Variants in PROM2 observed in about 807,000 individuals in gnomAD.
PROM2 encodes the protein prominin-2.
Under a neutral mutation model 110.2 loss-of-function variants are expected in PROM2, and 90 were observed. The observed-to-expected ratio is 0.82, with a 90% confidence interval of 0.69 to 0.97. The LOEUF is 0.97. PROM2 is among the 50% of genes least tolerant of loss of function. The pLI is 0.00. For synonymous variants in PROM2, 470 were observed against 467.8 expected (o/e 1.00, Z -0.06); for missense variants, 1,009 against 1,074.8 (o/e 0.94, Z 0.86).
chr2:95,279,301 A>ATT (rs1171088514), intron 10 of PROM2, among the ~76,000 whole-genome samples, 157 bp downstream of exon 10: 3 of 135,800 alleles, frequency 2.2e-5, no homozygotes, highest in Non-Finnish European at 3.2e-5. Flanking sequence ...TGTTTTTTTC[A>ATT]TTTTTTTTTT....
rs895600798 is a variant in PROM2, at chr2:95,275,496, G to T, written c.280G>T (p.Val94Leu). Reference protein sequence around the residue: ...VKALLNELASVKVNEVVRYEA... With the variant: ...VKALLNELASLKVNEVVRYEA... ...GGCCCTACTGAATGAGCTGGCCTCC[G>T]TGAAGGTGAATGAGGTGAGCAAGCT... The change falls in exon 2 of 24, where the codon GTG becomes TTG. Residue 94 changes from valine (V) to leucine (L), a missense_variant. Val to Leu is a conservative substitution (Grantham distance 32, BLOSUM62 1). Coordinates refer to ENST00000317620, the MANE Select transcript of PROM2 (RefSeq NM_001165978.3). This position sits in a 1 kb window ranked among gnomAD's most constrained non-coding sequence, Gnocchi z 4.4. 1.9e-6 allele frequency: 3 copies of T among 1,613,748 alleles called. No homozygotes were observed. The African/African-American group carries it at 4.0e-5, about 22-fold the overall frequency.
Position 95,288,926 on chromosome 2 carries a change from A to T in PROM2, c.2442-7A>T. 1.2e-6 allele frequency: 2 copies of T among 1,613,860 alleles called. 1 individual carries two copies. Among genetic ancestry groups the T allele is most frequent in the Admixed American group, 3.3e-5 (2 of 60,022 alleles). The stretch of plus-strand genomic sequence containing the variant: ...GGTATGCTCACTCTCTGTCTTTGAC[A>T]CTGCAGCTCCACCAGCTCTGAGGAG... On this transcript the variant is annotated splice_region_variant and splice_polypyrimidine_tract_variant and intron_variant, in intron 22 of 23. Transcript: ENST00000317620.
chr2:95,285,256 TC>T (rs1677283742), intron 15 of PROM2, 141 bp downstream of exon 15: 3 of 1,037,030 alleles, frequency 2.9e-6, no homozygotes, highest in South Asian at 3.5e-5. Context: ...TGTGGAGGTG[TC>T]CCCAGATCAT....
rs1676585011 is a variant in PROM2, at chr2:95,275,363, C to G, written c.245-98C>G. 8.2e-7 allele frequency: 1 copy of G among 1,223,168 alleles called. No homozygotes were observed. The highest frequency in any genetic ancestry group is 1.2e-6 in the Non-Finnish European group (1 of 862,458). 75.8% of individuals were successfully genotyped at this position (1,223,168 alleles called of 1,614,324 possible). The stretch of plus-strand genomic sequence containing the variant: ...GGGTGCCATGGTGGTGGCAGGAGCC[C>G]TGCCTCAGAGCCACTTTGCCCTGGC... On this transcript the variant is annotated intron_variant, in intron 1 of 23. Coordinates refer to ENST00000317620, the MANE Select transcript of PROM2 (RefSeq NM_001165978.3). The surrounding 1 kb of genome is among the most constrained non-coding windows in gnomAD (Gnocchi z 4.4).
chr2:95,282,078 CAG>C (rs1365940537), intron 13 of PROM2, 62 bp downstream of exon 13: 10 of 1,594,670 alleles, frequency 6.3e-6, no homozygotes, highest in Non-Finnish European at 6.9e-6. Context: ...CGGTGTCCCT[CAG>C]GGGACATCAG....
Position 95,278,205 on chromosome 2 carries a change from C to A in PROM2, c.1050+201C>A, listed in dbSNP as rs78250322. ...GATGGGAGAGCTGGGCCCTTCAAGG[C>A]GGCAGGCGTCTGGGGGTGGCAAGGG... is the stretch of plus-strand genomic sequence containing the variant. On this transcript the variant is annotated intron_variant, in intron 8 of 23. Coordinates refer to ENST00000317620, the MANE Select transcript of PROM2 (RefSeq NM_001165978.3). 7.8e-5 allele frequency: 47 copies of A among 599,232 alleles called. No individual in the cohort carries two copies. In the East Asian group the frequency reaches 8.9e-4, roughly 11 times the overall value. 37.1% of individuals were successfully genotyped at this position (599,232 alleles called of 1,614,324 possible).
chr2:95,276,050 C>G lies in PROM2; in HGVS notation c.415C>G (p.Arg139Gly). Residue 139 changes from arginine to glycine, a missense_variant, in exon 3 of 24, where the codon CGA becomes GGA. By Grantham distance (125) the Arg-to-Gly change is moderately radical. Transcript: ENST00000317620. This position sits in a 1 kb window ranked among gnomAD's most constrained non-coding sequence, Gnocchi z 4.6. ...CCGCTGCCACCGGCGCTGCGGGGGACGAGTGAAGACAGAGCACAAGGCGCT... is the reference window on the plus strand; with the variant it reads ...CCGCTGCCACCGGCGCTGCGGGGGAGGAGTGAAGACAGAGCACAAGGCGCT... The part of the protein sequence containing the change: ...CCRCHRRCGG[R>G]VKTEHKALAC... 1.2e-6 allele frequency: 2 copies of G among 1,611,350 alleles called. No individual in the cohort carries two copies. The highest frequency in any genetic ancestry group is 1.7e-6 in the Non-Finnish European group (2 of 1,179,904).
Position 95,288,929 on chromosome 2 carries a change from G to A in PROM2, c.2442-4G>A, listed in dbSNP as rs777403860. Reference sequence around the variant, plus strand: ...ATGCTCACTCTCTGTCTTTGACACTGCAGCTCCACCAGCTCTGAGGAGACT... The same window carrying A: ...ATGCTCACTCTCTGTCTTTGACACTACAGCTCCACCAGCTCTGAGGAGACT... On this transcript the variant is annotated splice_region_variant and splice_polypyrimidine_tract_variant and intron_variant, in intron 22 of 23. Transcript: ENST00000317620. 6.2e-7 allele frequency: 1 copy of A among 1,613,946 alleles called. No homozygotes were observed. Among genetic ancestry groups the A allele is most frequent in the Non-Finnish European group, 8.5e-7 (1 of 1,179,814 alleles).
At position 95,275,417 on chromosome 2, in the gene PROM2, G is replaced by A. The variant is rs1447241192; in HGVS notation, c.245-44G>A. On this transcript the variant is annotated intron_variant, in intron 1 of 23. Coordinates refer to ENST00000317620, the MANE Select transcript of PROM2 (RefSeq NM_001165978.3). The surrounding 1 kb of genome is among the most constrained non-coding windows in gnomAD (Gnocchi z 4.4). ...GGGGAGAGGAGGGACACAGGGGCAG[G>A]GCAGTGGCTGTCCCCAAATCCTCAG... is the stretch of plus-strand genomic sequence containing the variant. 1 of 1,579,382 alleles carries A rather than the reference G, an allele frequency of 6.3e-7. No homozygotes were observed.
intron 16 of PROM2, among the ~76,000 whole-genome samples, chr2:95,286,156 A>G (rs1677344653): frequency 6.6e-6 from 1 of 152,232 alleles, no homozygotes; most frequent in Non-Finnish European, 1.5e-5. Context: ...TTTAGGGTTT[A>G]AAAGTTCTCT....
chr2:95,289,906 C>G lies in PROM2; in HGVS notation c.*693C>G, dbSNP rs567945147. The G allele has an allele frequency of 6.6e-6, 1 of 152,388 alleles. No homozygotes were observed. Among genetic ancestry groups the G allele is most frequent in the Non-Finnish European group, 1.5e-5 (1 of 68,082 alleles). The allele number at this position is 152,388 out of a possible 1,614,324, so 9.4% of individuals were successfully genotyped here. A position where few individuals can be genotyped will look rare whatever the true frequency, so the allele number is the denominator to read the frequency against. Reference sequence around the variant, plus strand: ...CCACTGCCCCAGGGCCTTGGGCCCTCTGCAGATCTCATCCAGGATTTATTG... The same window carrying G: ...CCACTGCCCCAGGGCCTTGGGCCCTGTGCAGATCTCATCCAGGATTTATTG... On this transcript the variant is annotated 3_prime_UTR_variant, in exon 24 of 24. Coordinates refer to ENST00000317620, the MANE Select transcript of PROM2 (RefSeq NM_001165978.3).
In PROM2 at chr2:95,285,662, C is replaced by T. The variant is rs774058108; in HGVS notation, c.1899C>T (p.Thr633=). Residue 633 remains threonine (T), a synonymous_variant, in exon 16 of 24, where the codon ACC becomes ACT. Coordinates refer to ENST00000317620, the MANE Select transcript of PROM2 (RefSeq NM_001165978.3). ...LVQIQRPVVK[T]SMEQLAQELQ... Reference sequence around the variant, plus strand: ...AGATCCAGAGGCCCGTGGTGAAGACCAGCATGGAGCAGCTGGCCCAGGAGC... The same window carrying T: ...AGATCCAGAGGCCCGTGGTGAAGACTAGCATGGAGCAGCTGGCCCAGGAGC... 1 of 1,604,026 alleles carries T rather than the reference C, an allele frequency of 6.2e-7. No individual in the cohort carries two copies. Among genetic ancestry groups the T allele is most frequent in the Non-Finnish European group, 8.5e-7 (1 of 1,175,036 alleles).
rs759693093 is a variant in PROM2 at position 95,277,425 on chromosome 2, C to T, written c.834C>T (p.Ala278=). ...ATGCTACAGTGGTAGAGCTGCAGGC[C>T]GGGCAGCAGGACCTGGAGCCAGCCA... ...TLNATVVELQ[A]GQQDLEPAIR... The change falls in exon 7 of 24, where the codon GCC becomes GCT. Residue 278 remains alanine (A), a synonymous_variant. Coordinates refer to ENST00000317620, the MANE Select transcript of PROM2 (RefSeq NM_001165978.3). 11 of 1,613,216 alleles carry T rather than the reference C, an allele frequency of 6.8e-6. No individual in the cohort carries two copies. The highest frequency in any genetic ancestry group is 5.3e-5 in the African/African-American group (4 of 74,916).
chr2:95,285,723 C>T lies in PROM2; in HGVS notation c.1947+13C>T, dbSNP rs372513936. ...GGCCCAGGCCCAAGTGAGTGGGAAA[C>T]AGGGCCCCGACTGGGCAGCAGGAGC... On this transcript the variant is annotated intron_variant, in intron 16 of 23. Coordinates refer to ENST00000317620, the MANE Select transcript of PROM2 (RefSeq NM_001165978.3). 3 of 1,586,910 alleles carry T rather than the reference C, an allele frequency of 1.9e-6. No individual in the cohort carries two copies. The highest frequency in any genetic ancestry group is 2.6e-6 in the Non-Finnish European group (3 of 1,166,088).
At chr2:95,287,094 G>T in intron 18 of PROM2, 39 bp from the exon 19 acceptor site, 1 of 1,567,442 alleles carries the variant, frequency 6.4e-7, no homozygotes, top group South Asian at 1.1e-5. Context: ...ATGGATGCGT[G>T]AATGTGGGAC....
intron 7 of PROM2, 145 bp downstream of exon 7, chr2:95,277,711 T>A: frequency 1.1e-6 from 1 of 880,058 alleles, no homozygotes; most frequent in Middle Eastern, 3.5e-4. Flanking sequence ...ATCCTGGCAG[T>A]GGGTGGAGTG....
chr2:95,288,465 C>T lies in PROM2; in HGVS notation c.2335-18C>T. 1.2e-6 allele frequency: 2 copies of T among 1,611,878 alleles called. No individual in the cohort carries two copies. The highest frequency in any genetic ancestry group is 1.7e-6 in the Non-Finnish European group (2 of 1,178,174). ...GGTGCCACGTGGGTTGGTGAGCCGA[C>T]CTCACGCCTTGTTGCAGAATGCCTT... is the stretch of plus-strand genomic sequence containing the variant. On this transcript the variant is annotated intron_variant, in intron 21 of 23. Coordinates refer to ENST00000317620, the MANE Select transcript of PROM2 (RefSeq NM_001165978.3).
intron 11 of PROM2, among the ~76,000 whole-genome samples, chr2:95,280,903 C>T (rs1677003633): frequency 1.3e-5 from 2 of 152,206 alleles, no homozygotes; most frequent in Admixed American, 1.3e-4. Flanking sequence ...TCAACCTGTC[C>T]TCCCACCTCA....
chr2:95,279,435 T>G (rs1676904626), intron 10 of PROM2, among the ~76,000 whole-genome samples: 1 of 152,050 alleles, frequency 6.6e-6, no homozygotes, highest in East Asian at 1.9e-4. Context: ...TAGCTGGGAC[T>G]ACAGGCGTGC....
Sources: gnomAD v4.1 joint callset for allele counts (sites outside exome capture counted in the v4.1 genomes callset) on GRCh38, gnomAD v4.1.1 for gene constraint, Gnocchi (gnomAD v3.1) non-coding constraint, MANE v1.5 for transcripts, NCBI Gene and HGNC (gene_info 2026-07-23, HGNC 2026-07-21) for gene names.